SLC7A1: variants seen among roughly 807,000 people sequenced by gnomAD.
The protein encoded by SLC7A1 is solute carrier family 7 member 1, also known as high affinity cationic amino acid transporter 1.
In SLC7A1, 10 loss-of-function variants were observed where a neutral mutation model predicts 53.9. The observed-to-expected ratio is 0.19, with a 90% confidence interval of 0.11 to 0.31. The LOEUF (loss-of-function observed/expected upper bound fraction) is 0.31, where lower values mean the gene tolerates loss of function less well. SLC7A1 is among the 10% of genes least tolerant of loss of function. The pLI, the probability that SLC7A1 is intolerant of heterozygous loss-of-function variation, is 1.00. For synonymous variants in SLC7A1, 342 were observed against 338.7 expected (o/e 1.01, Z -0.11); for missense variants, 525 against 827.2 (o/e 0.63, Z 4.48).
rs143545053 is a variant in SLC7A1 at position 29,523,418 on chromosome 13, G to A, written c.897C>T (p.Ile299=). 1.5e-5 allele frequency: 25 copies of A among 1,613,848 alleles called. No homozygotes were observed. The highest frequency in any genetic ancestry group is 5.5e-5 in the South Asian group (5 of 91,078). ...GGGCAGCCGACACCCCAAAGTAGGCGATGAAGCAGATCAAGAGGGACGCCA... is the reference window on the plus strand; with the variant it reads ...GGGCAGCCGACACCCCAAAGTAGGCAATGAAGCAGATCAAGAGGGACGCCA... ...GIVASLLICF[I]AYFGVSAALT... The change falls in exon 7 of 13, where the codon ATC becomes ATT. Residue 299 remains isoleucine, a synonymous_variant. Transcript: ENST00000380752.
chr13:29,585,037 C>T (rs955153263), intron 1 of SLC7A1, among the ~76,000 whole-genome samples: 10 of 152,184 alleles, frequency 6.6e-5, no homozygotes, highest in African/African-American at 2.4e-4. Context: ...GACCAGGCCA[C>T]CTTTGGGACA....
In SLC7A1 at chr13:29,522,393, T is replaced by G; in HGVS notation, c.1113A>C (p.Leu371=). Residue 371 remains leucine, a synonymous_variant, in exon 8 of 13, where the codon CTA becomes CTC. Transcript: ENST00000380752. The part of the protein sequence containing the change: ...VIYAMAEDGL[L]FKFLANVNDR... ...CATTGACGTTGGCTAAGAATTTAAATAGCAGTCCATCCTCAGCCATGGCAT... is the reference window on the plus strand; with the variant it reads ...CATTGACGTTGGCTAAGAATTTAAAGAGCAGTCCATCCTCAGCCATGGCAT... 1 of 1,614,100 alleles carries G rather than the reference T, an allele frequency of 6.2e-7. No homozygotes were observed. The highest frequency in any genetic ancestry group is 1.1e-5 in the South Asian group (1 of 91,078).
chr13:29,530,651 G>A lies in SLC7A1; in HGVS notation c.591C>T (p.Asn197=), dbSNP rs777714623. Residue 197 remains asparagine, a synonymous_variant, in exon 5 of 13, where the codon AAC becomes AAT. Coordinates refer to ENST00000380752, the MANE Select transcript of SLC7A1 (RefSeq NM_003045.5). ...CCATTATGAAGCCCAGGACCAGGAC[G>A]TTAATACAAGTGAATATTTTGTTGA... The part of the protein sequence containing the change: ...AMVNKIFTCI[N]VLVLGFIMVS... The A allele has an allele frequency of 1.5e-5, 24 of 1,614,048 alleles. No individual in the cohort carries two copies. Among genetic ancestry groups the A allele is most frequent in the South Asian group, 4.4e-5 (4 of 91,074 alleles).
At chr13:29,548,449 C>T (rs1280378128) in intron 2 of SLC7A1, among the ~76,000 whole-genome samples, 1 of 152,226 alleles carries the variant, frequency 6.6e-6, no homozygotes, top group Non-Finnish European at 1.5e-5. Flanking sequence ...GCACCCTGGT[C>T]TGTGATCTGT....
intron 2 of SLC7A1, among the ~76,000 whole-genome samples, chr13:29,538,713 T>C (rs1163543863): frequency 2.6e-5 from 4 of 152,238 alleles, no homozygotes; most frequent in African/African-American, 4.8e-5. Context: ...ACAAAGCGTT[T>C]AGTAAACAAT....
At chr13:29,571,705 C>T (rs547195568) in intron 1 of SLC7A1, among the ~76,000 whole-genome samples, 5 of 152,210 alleles carry the variant, frequency 3.3e-5, no homozygotes, top group Non-Finnish European at 7.3e-5. Flanking sequence ...TGAACTCAGG[C>T]GGAAAAGGAT....
chr13:29,540,917 G>A (rs138117573), intron 2 of SLC7A1, among the ~76,000 whole-genome samples: 8 of 152,312 alleles, frequency 5.3e-5, no homozygotes, highest in African/African-American at 7.2e-5. Context: ...AGTCAATGGC[G>A]TCTTTTCAGC....
intron 9 of SLC7A1, among the ~76,000 whole-genome samples, chr13:29,518,329 C>T (rs140432941): frequency 3.3e-4 from 50 of 152,214 alleles, no homozygotes; most frequent in African/African-American, 8.4e-4. Context: ...GTTGGAGGGC[C>T]GAGCCTGCAG....
At chr13:29,520,003 C>T (rs1365094937) in intron 8 of SLC7A1, among the ~76,000 whole-genome samples, 1 of 152,102 alleles carries the variant, frequency 6.6e-6, no homozygotes, top group Non-Finnish European at 1.5e-5. Flanking sequence ...ATCCATCATC[C>T]ATCCTATCGG....
intron 1 of SLC7A1, among the ~76,000 whole-genome samples, chr13:29,577,264 G>C (rs1238842053): frequency 2.0e-5 from 3 of 151,900 alleles, no homozygotes; most frequent in African/African-American, 7.3e-5. Flanking sequence ...CCTCAAGCTG[G>C]TGGCCAGGCT....
intron 7 of SLC7A1, 71 bp from the exon 8 acceptor site, chr13:29,522,527 G>A (rs1868675816): frequency 1.3e-6 from 2 of 1,562,060 alleles, no homozygotes. Context: ...ATCCAGCCAT[G>A]CTCGGTTTAC....
At chr13:29,534,567 G>C (rs569840474) in intron 3 of SLC7A1, among the ~76,000 whole-genome samples, 17 of 152,344 alleles carry the variant, frequency 1.1e-4, no homozygotes, top group African/African-American at 4.1e-4. Flanking sequence ...AGAAGGTGCT[G>C]CTCGGAGAAT....
At chr13:29,592,783 C>G (rs962489950) in intron 1 of SLC7A1, among the ~76,000 whole-genome samples, 1 of 152,086 alleles carries the variant, frequency 6.6e-6, no homozygotes, top group Admixed American at 6.5e-5. Flanking sequence ...AGCAGGTTGG[C>G]CAGGGATCTG....
At chr13:29,561,750 C>T (rs148210548) in intron 1 of SLC7A1, among the ~76,000 whole-genome samples, 2 of 152,346 alleles carry the variant, frequency 1.3e-5, no homozygotes, top group African/African-American at 4.8e-5. Context: ...GAATCCAGAA[C>T]TGCCCTCTGA....
At chr13:29,526,589 G>C (rs1666254642) in intron 5 of SLC7A1, among the ~76,000 whole-genome samples, 1 of 152,170 alleles carries the variant, frequency 6.6e-6, no homozygotes, top group Admixed American at 6.5e-5. Context: ...ACCTAGAAAG[G>C]TCCTGAAACC....
chr13:29,561,509 A>G (rs554183489), intron 1 of SLC7A1, among the ~76,000 whole-genome samples: 1 of 152,352 alleles, frequency 6.6e-6, no homozygotes, highest in African/African-American at 2.4e-5. Context: ...TGTTGTAAAA[A>G]GAGGGGGTTT....
Position 29,593,360 on chromosome 13 carries a change from C to T in SLC7A1, c.-115+2056G>A, listed in dbSNP as rs76086282. On this transcript the variant is annotated intron_variant, in intron 1 of 12. Coordinates refer to ENST00000380752, the MANE Select transcript of SLC7A1 (RefSeq NM_003045.5). ...TATACAGAAAAACACCACATCCTATCGGAAGGTCTTGCTTGGAGTGAGGAC... is the reference window on the plus strand; with the variant it reads ...TATACAGAAAAACACCACATCCTATTGGAAGGTCTTGCTTGGAGTGAGGAC... 8.3e-3 allele frequency among the ~76,000 whole-genome samples: 1,268 copies of T among 152,266 alleles called. 3 individuals are homozygous for T. Among genetic ancestry groups the T allele is most frequent in the Middle Eastern group, 0.017 (5 of 294 alleles).
chr13:29,514,231 A>C lies in SLC7A1; in HGVS notation c.*249T>G. On this transcript the variant is annotated 3_prime_UTR_variant, in exon 13 of 13. Coordinates refer to ENST00000380752, the MANE Select transcript of SLC7A1 (RefSeq NM_003045.5). Reference sequence around the variant, plus strand: ...AACTGCTTTGTTCAGAGAAGTGAGGAGACACAGTGGCCAGCCGCAGCCTAG... The same window carrying C: ...AACTGCTTTGTTCAGAGAAGTGAGGCGACACAGTGGCCAGCCGCAGCCTAG... The C allele has an allele frequency of 1.8e-6, 1 of 544,822 alleles. No homozygotes were observed. Among genetic ancestry groups the C allele is most frequent in the South Asian group, 2.2e-5 (1 of 44,786 alleles). 33.7% of individuals were successfully genotyped at this position (544,822 alleles called of 1,614,324 possible). A position where few individuals can be genotyped will look rare whatever the true frequency, so the allele number is the denominator to read the frequency against.
chr13:29,538,288 T>G (rs553896244), intron 2 of SLC7A1, among the ~76,000 whole-genome samples: 26 of 151,552 alleles, frequency 1.7e-4, no homozygotes, highest in African/African-American at 6.1e-4. Flanking sequence ...TGGGGCAAAG[T>G]GGGGAGGAAA....
Sources: allele counts gnomAD v4.1 joint callset (sites outside exome capture counted in the v4.1 genomes callset), GRCh38; gene constraint gnomAD v4.1.1; transcripts MANE v1.5; gene names NCBI Gene and HGNC (gene_info 2026-07-23, HGNC 2026-07-21).